Variants in HHAT observed in about 807,000 individuals in gnomAD.
The protein encoded by HHAT is protein-cysteine N-palmitoyltransferase HHAT.
A neutral mutation model predicts 70.8 loss-of-function variants in HHAT; 47 were observed. The observed-to-expected ratio is 0.66, with a 90% CI of 0.53 to 0.85. The LOEUF (loss-of-function observed/expected upper bound fraction) is 0.85. HHAT is among the 40% of genes least tolerant of loss of function. The probability of loss-of-function intolerance (pLI) is 0.00; values close to 1 mark genes in which losing one functional copy is unlikely to be tolerated. For synonymous variants in HHAT, 228 were observed against 247.6 expected (o/e 0.92, Z 0.74); for missense variants, 609 against 604.8 (o/e 1.01, Z -0.07).
intron 11 of HHAT, among the ~76,000 whole-genome samples, chr1:210,647,404 AT>A (rs1674275691): frequency 6.6e-6 from 1 of 152,136 alleles, no homozygotes; most frequent in African/African-American, 2.4e-5. Flanking sequence ...AAGACCTATT[AT>A]TTGGTCCTTT....
At chr1:210,631,093 C>CTACCT (rs1437174134) in intron 11 of HHAT, 1 of 456,702 alleles carries the variant, frequency 2.2e-6, no homozygotes, top group Admixed American at 2.3e-5. Context: ...GAGGTACTGG[C>CTACCT]TACCTTTGTT....
In HHAT at chr1:210,404,732, T is replaced by G. The variant is rs990139995; in HGVS notation, c.684+53T>G. On this transcript the variant is annotated intron_variant, in intron 6 of 11. Transcript: ENST00000261458. ...ATTCTATAGCTTAAGCCTTTGTCGC[T>G]GTTGCTCTGGTCTTCTCTGACTCTT... 23 of 1,453,960 alleles carry G rather than the reference T, an allele frequency of 1.6e-5. No homozygotes were observed. In the Admixed American group the frequency reaches 2.4e-4, roughly 15 times the overall value. The allele number at this position is 1,453,960 out of a possible 1,614,324, so 90.1% of individuals were successfully genotyped here. A position where few individuals can be genotyped will look rare whatever the true frequency, so the allele number is the denominator to read the frequency against.
intron 7 of HHAT, among the ~76,000 whole-genome samples, chr1:210,454,309 T>C (rs2093816691): frequency 6.6e-6 from 1 of 152,184 alleles, no homozygotes; most frequent in African/African-American, 2.4e-5. Flanking sequence ...ATCCCAGCAC[T>C]TCGGGAGGCC....
At chr1:210,655,121 G>C (rs1408338502) in intron 11 of HHAT, among the ~76,000 whole-genome samples, 1 of 151,958 alleles carries the variant, frequency 6.6e-6, no homozygotes, top group Non-Finnish European at 1.5e-5. Context: ...CAGAAGCTGC[G>C]GCAGCTGAGG....
At chr1:210,510,432 C>T (rs2094934144) in intron 8 of HHAT, among the ~76,000 whole-genome samples, 1 of 152,202 alleles carries the variant, frequency 6.6e-6, no homozygotes, top group Non-Finnish European at 1.5e-5. Flanking sequence ...CGTGAACTTC[C>T]ATCACTTTCC....
At chr1:210,499,772 C>T (rs1001504177) in intron 8 of HHAT, among the ~76,000 whole-genome samples, 2 of 152,114 alleles carry the variant, frequency 1.3e-5, no homozygotes, top group African/African-American at 4.8e-5. Flanking sequence ...CTAGGAGAGG[C>T]GGCTGCAAAG....
Position 210,370,051 on chromosome 1 carries a change from C to G in HHAT, c.159+7132C>G, listed in dbSNP as rs938170714. ...GCCTTGCCCTGTCTCTCTCTTCTTT[C>G]TCTTCTCTCTCTGCATACACATATA... is the stretch of plus-strand genomic sequence containing the variant. On this transcript the variant is annotated intron_variant, in intron 3 of 11. Transcript: ENST00000261458. Among the ~76,000 whole-genome samples, 18 of 151,868 alleles carry G rather than the reference C, an allele frequency of 1.2e-4. No individual in the cohort carries two copies. In the South Asian group the frequency reaches 1.9e-3, roughly 16 times the overall value.
intron 7 of HHAT, among the ~76,000 whole-genome samples, chr1:210,420,781 C>T (rs1459208996): frequency 6.6e-6 from 1 of 151,830 alleles, no homozygotes; most frequent in African/African-American, 2.4e-5. Context: ...TTACCTTGAA[C>T]CACCTGCAAT....
intron 6 of HHAT, among the ~76,000 whole-genome samples, chr1:210,408,902 C>T (rs2092430610): frequency 6.6e-6 from 1 of 152,160 alleles, no homozygotes; most frequent in South Asian, 2.1e-4. Flanking sequence ...CACTCTGACA[C>T]CCAGGTTGGA....
At chr1:210,602,052 G>A (rs1664409186) in intron 10 of HHAT, among the ~76,000 whole-genome samples, 3 of 151,904 alleles carry the variant, frequency 2.0e-5, no homozygotes, top group Admixed American at 2.0e-4. Context: ...TGAGAAGTTG[G>A]ATCGAGGGGG....
chr1:210,488,306 G>A (rs1211776457), intron 8 of HHAT, among the ~76,000 whole-genome samples: 5 of 152,100 alleles, frequency 3.3e-5, no homozygotes, highest in African/African-American at 1.2e-4. Context: ...GGACCATTCT[G>A]TTTAAAACTT....
At chr1:210,388,548 A>T (rs960715997) in intron 4 of HHAT, among the ~76,000 whole-genome samples, 1 of 152,042 alleles carries the variant, frequency 6.6e-6, no homozygotes, top group Admixed American at 6.6e-5. Flanking sequence ...TGAATATGAT[A>T]CTGATTTTTT....
intron 9 of HHAT, among the ~76,000 whole-genome samples, chr1:210,541,133 G>A (rs990636234): frequency 5.9e-5 from 9 of 151,990 alleles, no homozygotes; most frequent in African/African-American, 9.7e-5. Flanking sequence ...GAGCCACTGC[G>A]TCTAGCCAAG....
intron 10 of HHAT, among the ~76,000 whole-genome samples, chr1:210,610,380 G>A (rs529756003): frequency 1.9e-4 from 29 of 151,442 alleles, no homozygotes; most frequent in Admixed American, 1.6e-3. Flanking sequence ...TTTTTCTCTT[G>A]TAGATTTATT....
intron 7 of HHAT, chr1:210,463,122 C>A (rs913292373): frequency 2.0e-5 from 3 of 150,310 alleles, no homozygotes; most frequent in Non-Finnish European, 4.4e-5. Context: ...AGACCTCAGG[C>A]CTTCATGTGA....
intron 3 of HHAT, chr1:210,374,023 G>A (rs766670110): frequency 1.3e-5 from 2 of 152,162 alleles, no homozygotes; most frequent in Non-Finnish European, 1.5e-5. Flanking sequence ...CCTTTGACAT[G>A]GAAAACAAGA....
In HHAT at chr1:210,329,126, G is replaced by T. The variant is rs772141181; in HGVS notation, c.-44+22G>T. 8 of 1,324,832 alleles carry T rather than the reference G, an allele frequency of 6.0e-6. No individual in the cohort carries two copies. In the South Asian group the frequency reaches 8.1e-5, roughly 13 times the overall value. 82.1% of individuals were successfully genotyped at this position (1,324,832 alleles called of 1,614,324 possible). ...GGAGGTTGGTAACTGGTGACCATAG[G>T]GGGTCCTGGGGAGGTTAGATGCTGA... is the stretch of plus-strand genomic sequence containing the variant. On this transcript the variant is annotated intron_variant, in intron 1 of 11. Transcript: ENST00000261458.
chr1:210,660,234 A>G (rs906197442), intron 11 of HHAT, among the ~76,000 whole-genome samples: 1 of 152,212 alleles, frequency 6.6e-6, no homozygotes, highest in African/African-American at 2.4e-5. Context: ...ATACAAAATC[A>G]ATGTGCAAAA....
intron 8 of HHAT, among the ~76,000 whole-genome samples, chr1:210,479,263 C>G (rs993987406): frequency 3.3e-5 from 5 of 152,158 alleles, no homozygotes; most frequent in Middle Eastern, 3.2e-3. Context: ...TCCAAATTCT[C>G]TTTGGTCAAG....
Sources: allele counts gnomAD v4.1 joint callset (sites outside exome capture counted in the v4.1 genomes callset), GRCh38; gene constraint gnomAD v4.1.1; transcripts MANE v1.5; gene names NCBI Gene and HGNC (gene_info 2026-07-23, HGNC 2026-07-21).